The following DPP10 variants were observed in gnomAD, a reference collection of about 807,000 sequenced individuals.
DPP10 encodes the protein inactive dipeptidyl peptidase 10.
In DPP10, 33 loss-of-function variants were observed where a neutral mutation model predicts 120.9. The observed-to-expected ratio is 0.27, with a 90% CI of 0.21 to 0.37. The LOEUF (loss-of-function observed/expected upper bound fraction) is 0.37. Among genes scored for constraint, DPP10 ranks in the 10% least tolerant of loss-of-function variants. The pLI is 1.00. For synonymous variants in DPP10, 337 were observed against 326.1 expected (o/e 1.03, Z -0.36); for missense variants, 816 against 942.8 (o/e 0.87, Z 1.76).
intron 2 of DPP10, among the ~76,000 whole-genome samples, chr2:115,333,756 C>T (rs2062910519): frequency 6.6e-6 from 1 of 152,054 alleles, no homozygotes; most frequent in South Asian, 2.1e-4. Context: ...TTGGCCCCCA[C>T]TCTCTTCTGG....
chr2:115,700,690 C>CCA (rs1173103557), intron 7 of DPP10, among the ~76,000 whole-genome samples: 1 of 151,908 alleles, frequency 6.6e-6, no homozygotes, highest in Non-Finnish European at 1.5e-5. Context: ...AGCCTAGAGT[C>CCA]CACACACACA....
intron 3 of DPP10, among the ~76,000 whole-genome samples, chr2:115,498,320 G>T (rs1034260507): frequency 1.3e-5 from 2 of 152,078 alleles, no homozygotes; most frequent in Admixed American, 1.3e-4. Context: ...AATTGTACGT[G>T]TAACTATTAA....
At chr2:114,583,043 CT>C (rs1457675288) in intron 1 of DPP10, among the ~76,000 whole-genome samples, 1 of 152,174 alleles carries the variant, frequency 6.6e-6, no homozygotes, top group Non-Finnish European at 1.5e-5. Context: ...ACAGGAAGCA[CT>C]TTGAGAACAC....
chr2:115,185,124 A>G (rs117273757), intron 1 of DPP10, among the ~76,000 whole-genome samples: 1 of 152,334 alleles, frequency 6.6e-6, no homozygotes, highest in East Asian at 1.9e-4. Context: ...ATACCTCATG[A>G]GTACTCAACT....
chr2:115,601,352 T>C (rs2083309052), intron 5 of DPP10, among the ~76,000 whole-genome samples: 1 of 152,228 alleles, frequency 6.6e-6, no homozygotes, highest in Admixed American at 6.5e-5. Flanking sequence ...TTTGTTTCTG[T>C]AGCAACCCTA....
chr2:115,283,896 T>C (rs1210158587), intron 1 of DPP10, among the ~76,000 whole-genome samples: 1 of 152,080 alleles, frequency 6.6e-6, no homozygotes, highest in Admixed American at 6.6e-5. Flanking sequence ...CACAGATTTG[T>C]GGTCTAGGAG....
chr2:114,751,145 T>C (rs1395092133), intron 1 of DPP10, among the ~76,000 whole-genome samples: 1 of 152,196 alleles, frequency 6.6e-6, no homozygotes, highest in Non-Finnish European at 1.5e-5. Flanking sequence ...GAGGTTTAAA[T>C]AACGAATTTT....
At chr2:115,494,867 A>G (rs758126198) in intron 3 of DPP10, among the ~76,000 whole-genome samples, 5 of 152,144 alleles carry the variant, frequency 3.3e-5, no homozygotes, top group African/African-American at 1.2e-4. Context: ...CTCTTTCTCT[A>G]TGTAGAGATA....
chr2:115,636,018 T>C (rs1352835702), intron 5 of DPP10, among the ~76,000 whole-genome samples: 1 of 152,052 alleles, frequency 6.6e-6, no homozygotes, highest in Non-Finnish European at 1.5e-5. Flanking sequence ...CTTAACCAAG[T>C]GGCTAAGTTT....
intron 5 of DPP10, among the ~76,000 whole-genome samples, chr2:115,566,383 A>C (rs560723466): frequency 2.2e-4 from 33 of 152,056 alleles, no homozygotes; most frequent in Non-Finnish European, 3.7e-4. Context: ...TATGCTAATT[A>C]ATTACTGTAA....
At chr2:115,497,155 A>G (rs2076442428) in intron 3 of DPP10, among the ~76,000 whole-genome samples, 1 of 152,136 alleles carries the variant, frequency 6.6e-6, no homozygotes, top group African/African-American at 2.4e-5. Flanking sequence ...AAGGGATTAT[A>G]GAAACTATAG....
chr2:115,250,406 T>C (rs925504755), intron 1 of DPP10, among the ~76,000 whole-genome samples: 4 of 152,066 alleles, frequency 2.6e-5, no homozygotes, highest in African/African-American at 2.4e-5. Flanking sequence ...GGGAATGTCA[T>C]TGGGGGACAT....
rs749612195 is a variant in DPP10 at position 114,962,648 on chromosome 2, GAGAA to G, written c.61-346587_61-346584del. On this transcript the variant is annotated intron_variant, in intron 1 of 25. Transcript: ENST00000410059. ...TTGGGTTACGATGTCTGCCCTTTGA[GAGAA>G]AGAGAATTTAAAGTAACCACGGCCT... Among the ~76,000 whole-genome samples, 217 of 152,302 alleles carry G rather than the reference GAGAA, an allele frequency of 1.4e-3. 1 individual carries two copies. Among genetic ancestry groups the G allele is most frequent in the Non-Finnish European group, 2.8e-3 (189 of 68,036 alleles).
intron 1 of DPP10, among the ~76,000 whole-genome samples, chr2:115,133,143 G>GTATATATATATATA (rs1238047393): frequency 1.6e-4 from 5 of 32,008 alleles, no homozygotes; most frequent in African/African-American, 2.4e-4. Flanking sequence ...GTGTGTGTGT[G>GTATATATATATATA]TGTATATATA....
At chr2:114,730,296 A>G (rs1199129813) in intron 1 of DPP10, among the ~76,000 whole-genome samples, 1 of 152,244 alleles carries the variant, frequency 6.6e-6, no homozygotes, top group Non-Finnish European at 1.5e-5. Context: ...GAGAGTAGAT[A>G]ATAGGGCCAT....
At chr2:115,427,647 C>G (rs749535246) in intron 3 of DPP10, among the ~76,000 whole-genome samples, 20 of 152,170 alleles carry the variant, frequency 1.3e-4, no homozygotes, top group Non-Finnish European at 2.6e-4. Context: ...CCCCCTGGGC[C>G]TCTGATGGGA....
intron 3 of DPP10, among the ~76,000 whole-genome samples, chr2:115,473,350 T>G (rs969813736): frequency 6.6e-6 from 1 of 152,184 alleles, no homozygotes; most frequent in Admixed American, 6.5e-5. Flanking sequence ...GGACAGTTCC[T>G]TAAAATGAAC....
At chr2:115,571,744 A>T (rs2081349311) in intron 5 of DPP10, among the ~76,000 whole-genome samples, 1 of 150,158 alleles carries the variant, frequency 6.7e-6, no homozygotes, top group Non-Finnish European at 1.5e-5. Flanking sequence ...TATGGAAAAC[A>T]TGAAAGTGGA....
intron 1 of DPP10, among the ~76,000 whole-genome samples, chr2:114,622,462 T>C (rs1391324897): frequency 3.3e-5 from 5 of 151,870 alleles, no homozygotes; most frequent in Non-Finnish European, 4.4e-5. Flanking sequence ...GATTGCTATA[T>C]CTTGTGCAGT....
Sources: gnomAD v4.1 joint callset for allele counts (sites outside exome capture counted in the v4.1 genomes callset) on GRCh38, gnomAD v4.1.1 for gene constraint, MANE v1.5 for transcripts, NCBI Gene and HGNC (gene_info 2026-07-23, HGNC 2026-07-21) for gene names.